The following ENO2 variants were observed in gnomAD, a reference collection of about 807,000 sequenced individuals.
ENO2 encodes the protein gamma-enolase.
A neutral mutation model predicts 48.7 loss-of-function variants in ENO2; 19 were observed. That is an observed-to-expected ratio of 0.39 (90% CI 0.27 to 0.57). ENO2 has a LOEUF of 0.57. Among genes scored for constraint, ENO2 ranks in the 20% least tolerant of loss-of-function variants. The pLI is 0.58. For missense variants in ENO2, 416 were observed against 555.0 expected, an observed-to-expected ratio of 0.75 and a Z score of 2.52; for synonymous variants, 198 against 213.4, an observed-to-expected ratio of 0.93 and a Z score of 0.63.
In ENO2 at chr12:6,917,082, G is replaced by T; in HGVS notation, c.285G>T (p.Leu95=). The part of the protein sequence containing the change: ...VEQEKLDNLM[L]ELDGTENKSK... ...AAGAGAAACTGGACAACCTGATGCT[G>T]GAGTTGGATGGGACTGAGAACAAAT... Residue 95 remains leucine, a synonymous_variant, in exon 5 of 12, where the codon CTG becomes CTT. Transcript: ENST00000229277. 6.2e-7 allele frequency: 1 copy of T among 1,614,186 alleles called. No homozygotes were observed. The highest frequency in any genetic ancestry group is 8.5e-7 in the Non-Finnish European group (1 of 1,180,038).
chr12:6,920,150 AAAG>A (rs1945327361), intron 8 of ENO2, among the ~76,000 whole-genome samples: 1 of 152,052 alleles, frequency 6.6e-6, no homozygotes, highest in Admixed American at 6.5e-5. Flanking sequence ...GTGTGAGTAG[AAAG>A]AAGGCTGAGG....
At chr12:6,919,365 GTAT>G (rs1201754221) in intron 7 of ENO2, among the ~76,000 whole-genome samples, 198 bp from the exon 8 acceptor site, 12 of 152,180 alleles carry the variant, frequency 7.9e-5, no homozygotes, top group African/African-American at 2.9e-4. Flanking sequence ...AGTATAGTAA[GTAT>G]TATTAAGAGA....
intron 7 of ENO2, among the ~76,000 whole-genome samples, 158 bp from the exon 8 acceptor site, chr12:6,919,408 G>A (rs536250249): frequency 2.0e-5 from 3 of 152,040 alleles, no homozygotes; most frequent in Non-Finnish European, 4.4e-5. Context: ...CTAGAAGATG[G>A]CCTCTCCTCC....
At position 6,914,887 on chromosome 12, in the gene ENO2, C is replaced by T. The variant is rs781885343; in HGVS notation, c.-13+228C>T. On this transcript the variant is annotated intron_variant, in intron 1 of 11. Transcript: ENST00000229277. This position sits in a 1 kb window ranked among gnomAD's most constrained non-coding sequence, Gnocchi z 7.1. ...CCTATCTCTAACTGCGCCTCTCCAC[C>T]CTTGCCTGCCTCTCTCCCGGTGCTC... Among the ~76,000 whole-genome samples, 1 of 152,208 alleles carries T rather than the reference C, an allele frequency of 6.6e-6. No individual in the cohort carries two copies. Among genetic ancestry groups the T allele is most frequent in the Non-Finnish European group, 1.5e-5 (1 of 68,038 alleles).
In ENO2 at chr12:6,922,997, C is replaced by T. The variant is rs1482279122; in HGVS notation, c.*197C>T. 3 of 584,586 alleles carry T rather than the reference C, an allele frequency of 5.1e-6. No individual in the cohort carries two copies. In the African/African-American group the frequency reaches 5.6e-5, roughly 11 times the overall value. 36.2% of individuals were successfully genotyped at this position (584,586 alleles called of 1,614,324 possible). On this transcript the variant is annotated 3_prime_UTR_variant, in exon 12 of 12. Transcript: ENST00000229277. The surrounding 1 kb of genome is among the most constrained non-coding windows in gnomAD (Gnocchi z 5.3). ...CTCGCCCTCCTTTCTGTGCCCTACT[C>T]ATTGGGGTTCCGCACTTTCCACTTC...
chr12:6,915,769 C>T (rs1945284662), intron 1 of ENO2, 52 bp from the exon 2 acceptor site: 11 of 1,325,094 alleles, frequency 8.3e-6, no homozygotes, highest in African/African-American at 7.5e-5. Context: ...ATCTCAGGCT[C>T]CACCCCTCTA....
rs1555142191 is a variant in ENO2 at position 6,922,155 on chromosome 12, C to G, written c.1167C>G (p.Cys389Trp). 1.9e-6 allele frequency: 3 copies of G among 1,613,846 alleles called. No individual in the cohort carries two copies. Among genetic ancestry groups the G allele is most frequent in the Admixed American group, 1.7e-5 (1 of 60,014 alleles). ...TFIADLVVGL[C>W]TGQIKTGAPC... ...TTGCTGACCTGGTGGTGGGGCTGTG[C>G]ACAGGCCAGGTGAGTGAGGCAGCCT... Residue 389 changes from cysteine to tryptophan, a missense_variant, in exon 10 of 12, where the codon TGC becomes TGG. Cys to Trp is a radical substitution (Grantham distance 215). Coordinates refer to ENST00000229277, the MANE Select transcript of ENO2 (RefSeq NM_001975.3). This position sits in a 1 kb window ranked among gnomAD's most constrained non-coding sequence, Gnocchi z 5.3.
chr12:6,921,920 G>A, intron 9 of ENO2, 136 bp from the exon 10 acceptor site: 2 of 1,483,964 alleles, frequency 1.3e-6, no homozygotes, highest in East Asian at 2.3e-5. Context: ...TCTCACCTCT[G>A]CCCCTCCACC....
At chr12:6,918,224 G>T in intron 7 of ENO2, 62 bp downstream of exon 7, 1 of 1,564,026 alleles carries the variant, frequency 6.4e-7, no homozygotes, top group East Asian at 2.2e-5. Context: ...ATCAGAAAGG[G>T]TGACACAGTT....
chr12:6,923,560 T>A lies in ENO2; in HGVS notation c.*760T>A, dbSNP rs1555142317. 1 of 152,160 alleles carries A rather than the reference T, an allele frequency of 6.6e-6. No homozygotes were observed. The highest frequency in any genetic ancestry group is 1.5e-5 in the Non-Finnish European group (1 of 68,082). 9.4% of individuals were successfully genotyped at this position (152,160 alleles called of 1,614,324 possible). ...GCCTGGGGGAGTTTTCCTCTATACA[T>A]CTCTCCCCAACCCTAGGTTCCCTGT... On this transcript the variant is annotated 3_prime_UTR_variant, in exon 12 of 12. Transcript: ENST00000229277.
chr12:6,922,865 C>A lies in ENO2; in HGVS notation c.*65C>A. Reference sequence around the variant, plus strand: ...CCTCCTGGAACCTTGCTGTCCTGATCTGTGATAGTTCACCCCCTGAGATCC... The same window carrying A: ...CCTCCTGGAACCTTGCTGTCCTGATATGTGATAGTTCACCCCCTGAGATCC... On this transcript the variant is annotated 3_prime_UTR_variant, in exon 12 of 12. Transcript: ENST00000229277. The surrounding 1 kb of genome is among the most constrained non-coding windows in gnomAD (Gnocchi z 5.3). 1 of 1,579,364 alleles carries A rather than the reference C, an allele frequency of 6.3e-7. No homozygotes were observed. Among genetic ancestry groups the A allele is most frequent in the Non-Finnish European group, 8.7e-7 (1 of 1,150,292 alleles).
Position 6,916,988 on chromosome 12 carries a change from T to G in ENO2, c.241-50T>G. 6.2e-7 allele frequency: 1 copy of G among 1,611,010 alleles called. No homozygotes were observed. On this transcript the variant is annotated intron_variant, in intron 4 of 11. Coordinates refer to ENST00000229277, the MANE Select transcript of ENO2 (RefSeq NM_001975.3). The surrounding 1 kb of genome is among the most constrained non-coding windows in gnomAD (Gnocchi z 4.5). ...GTGTGAATGAGGGGACCCTCTGCCT[T>G]AGGGCTCAGCCTCCAGCCTGGCCCT...
intron 7 of ENO2, 37 bp downstream of exon 7, chr12:6,918,199 A>ACC: frequency 6.2e-7 from 1 of 1,607,120 alleles, no homozygotes; most frequent in Non-Finnish European, 8.5e-7. Context: ...TCTAAGTCTT[A>ACC]CCCTATTGTG....
chr12:6,921,943 C>T lies in ENO2; in HGVS notation c.1068-113C>T. 5.2e-6 allele frequency: 8 copies of T among 1,525,006 alleles called. No homozygotes were observed. The South Asian group carries it at 7.9e-5, about 15-fold the overall frequency. 94.5% of individuals were successfully genotyped at this position (1,525,006 alleles called of 1,614,324 possible). A position where few individuals can be genotyped will look rare whatever the true frequency, so the allele number is the denominator to read the frequency against. ...CTGCCCCTCCACCCCTGATTCTCTGCTCCCCTCCCAGATAGCTTTCCCCTA... is the reference window on the plus strand; with the variant it reads ...CTGCCCCTCCACCCCTGATTCTCTGTTCCCCTCCCAGATAGCTTTCCCCTA... On this transcript the variant is annotated intron_variant, in intron 9 of 11. Transcript: ENST00000229277.
At chr12:6,920,315 T>C (rs1004373106) in intron 8 of ENO2, among the ~76,000 whole-genome samples, 13 of 133,918 alleles carry the variant, frequency 9.7e-5, no homozygotes, top group African/African-American at 2.9e-5. Flanking sequence ...TTGCTGGCAG[T>C]GAGAACAGGA....
At position 6,916,006 on chromosome 12, in the gene ENO2, A is replaced by C; in HGVS notation, c.85+89A>C. ...CAGGGGTTCGGAGGCCTTTTTTGAT[A>C]CCCAGGGGTATGGGGTGCTGGGCCA... is the stretch of plus-strand genomic sequence containing the variant. On this transcript the variant is annotated intron_variant, in intron 2 of 11. Transcript: ENST00000229277. The surrounding 1 kb of genome is among the most constrained non-coding windows in gnomAD (Gnocchi z 4.5). 2.2e-6 allele frequency: 3 copies of C among 1,362,332 alleles called. No homozygotes were observed. The highest frequency in any genetic ancestry group is 1.2e-5 in the South Asian group (1 of 85,360). The allele number at this position is 1,362,332 out of a possible 1,614,324, so 84.4% of individuals were successfully genotyped here. A position where few individuals can be genotyped will look rare whatever the true frequency, so the allele number is the denominator to read the frequency against.
intron 5 of ENO2, 152 bp from the exon 6 acceptor site, chr12:6,917,429 C>A: frequency 1.8e-6 from 2 of 1,096,184 alleles, no homozygotes; most frequent in South Asian, 1.6e-5. Flanking sequence ...CTGCTGTTTT[C>A]AAGAGAGCAT....
intron 1 of ENO2, 96 bp from the exon 2 acceptor site, chr12:6,915,720 CTCTTT>C: frequency 2.1e-6 from 1 of 476,594 alleles, no homozygotes. Flanking sequence ...CTGCAGTAAC[CTCTTT>C]CCCATCCCTC....
intron 9 of ENO2, 133 bp from the exon 10 acceptor site, chr12:6,921,923 C>T (rs879947557): frequency 4.0e-6 from 6 of 1,484,922 alleles, no homozygotes; most frequent in Non-Finnish European, 5.6e-6. Context: ...CACCTCTGCC[C>T]CTCCACCCCT....
Sources: gnomAD v4.1 joint callset for allele counts (sites outside exome capture counted in the v4.1 genomes callset) on GRCh38, gnomAD v4.1.1 for gene constraint, Gnocchi (gnomAD v3.1) non-coding constraint, MANE v1.5 for transcripts, NCBI Gene and HGNC (gene_info 2026-07-23, HGNC 2026-07-21) for gene names.